Variants in PKP2 observed in about 807,000 individuals in gnomAD.
PKP2 encodes plakophilin 2.
Under a neutral mutation model 83.4 loss-of-function variants are expected in PKP2, and 73 were observed. That is an observed-to-expected ratio of 0.88 (90% CI 0.72 to 1.06). The LOEUF is 1.06. PKP2 is among the 50% of genes least tolerant of loss of function. The probability of loss-of-function intolerance (pLI) is 0.00; values close to 1 mark genes in which losing one functional copy is unlikely to be tolerated. For synonymous variants in PKP2, 409 were observed against 430.4 expected, an observed-to-expected ratio of 0.95 and a Z score of 0.62; for missense variants, 966 against 1,065.4, an observed-to-expected ratio of 0.91 and a Z score of 1.30.
At chr12:32,796,743 A>C (rs1956129869) in intron 10 of PKP2, among the ~76,000 whole-genome samples, 6 of 152,124 alleles carry the variant, frequency 3.9e-5, no homozygotes. Flanking sequence ...CAACACATGG[A>C]AAGATGTAAT....
At chr12:32,893,143 C>T (rs889341790) in intron 1 of PKP2, among the ~76,000 whole-genome samples, 52 of 152,182 alleles carry the variant, frequency 3.4e-4, no homozygotes, top group Non-Finnish European at 5.9e-5. Flanking sequence ...GGGTTAAAGA[C>T]TCTTGCAAGA....
intron 6 of PKP2, among the ~76,000 whole-genome samples, chr12:32,826,187 T>A (rs928500354): frequency 1.1e-4 from 16 of 151,238 alleles, no homozygotes; most frequent in Non-Finnish European, 2.9e-5. Context: ...GCGCCTGTAT[T>A]CCCAGCTACT....
chr12:32,838,965 T>G (rs547302834), intron 6 of PKP2, among the ~76,000 whole-genome samples: 1 of 152,312 alleles, frequency 6.6e-6, no homozygotes, highest in African/African-American at 2.4e-5. Context: ...CGTTAGGAGA[T>G]TAAGTATTCA....
At chr12:32,843,406 C>T in intron 5 of PKP2, 1 of 855,066 alleles carries the variant, frequency 1.2e-6, no homozygotes, top group South Asian at 1.3e-5. Flanking sequence ...ATGTGGCAAA[C>T]ATCACCTCCC....
intron 4 of PKP2, among the ~76,000 whole-genome samples, chr12:32,858,104 TATATA>T: frequency 1.2e-5 from 1 of 83,890 alleles, no homozygotes; most frequent in African/African-American, 6.8e-5. Flanking sequence ...TATATATATA[TATATA>T]TATATATTTA....
chr12:32,838,774 T>C (rs1360811888), intron 6 of PKP2, among the ~76,000 whole-genome samples: 10 of 152,200 alleles, frequency 6.6e-5, no homozygotes. Flanking sequence ...CTATTAATAG[T>C]AGCAAAGGTA....
chr12:32,896,473 A>AGGGGGCGGCGCCG (rs1296420050), intron 1 of PKP2, 36 bp downstream of exon 1: 1 of 1,418,786 alleles, frequency 7.0e-7, no homozygotes, highest in Admixed American at 2.2e-5. Flanking sequence ...GGTGTGGGGC[A>AGGGGGCGGCGCCG]GGGGGCGGCG....
intron 9 of PKP2, among the ~76,000 whole-genome samples, chr12:32,815,012 T>C (rs1472847385): frequency 2.0e-5 from 3 of 152,004 alleles, no homozygotes; most frequent in Non-Finnish European, 2.9e-5. Flanking sequence ...ATACGGTTCA[T>C]TTAACTTTTT....
intron 5 of PKP2, among the ~76,000 whole-genome samples, chr12:32,843,639 G>A (rs1956620869): frequency 6.6e-6 from 1 of 152,178 alleles, no homozygotes; most frequent in Non-Finnish European, 1.5e-5. Flanking sequence ...TGTCTTGTGA[G>A]GACTAGATTT....
chr12:32,808,105 T>C (rs764301608), intron 9 of PKP2, among the ~76,000 whole-genome samples: 13 of 152,216 alleles, frequency 8.5e-5, no homozygotes, highest in Non-Finnish European at 1.5e-4. Context: ...CTGGATGATA[T>C]ACTAAAGTAT....
intron 6 of PKP2, among the ~76,000 whole-genome samples, chr12:32,839,031 T>C (rs944052003): frequency 6.6e-6 from 1 of 152,204 alleles, no homozygotes; most frequent in African/African-American, 2.4e-5. Flanking sequence ...AAAGTATTGA[T>C]ATGAAAGTAC....
At chr12:32,818,487 C>T (rs143430879) in intron 9 of PKP2, among the ~76,000 whole-genome samples, 134 of 152,104 alleles carry the variant, frequency 8.8e-4, no homozygotes, top group East Asian at 8.1e-3. Flanking sequence ...CAAAAAAACC[C>T]GAAACTTTAT....
intron 6 of PKP2, among the ~76,000 whole-genome samples, chr12:32,830,505 A>C (rs1299170371): frequency 6.6e-6 from 1 of 152,202 alleles, no homozygotes; most frequent in East Asian, 1.9e-4. Flanking sequence ...CAACCTACAC[A>C]TCTTGGTCCT....
intron 7 of PKP2, among the ~76,000 whole-genome samples, chr12:32,822,914 AG>A (rs1381753167): frequency 6.6e-6 from 1 of 152,182 alleles, no homozygotes; most frequent in African/African-American, 2.4e-5. Context: ...GTAACTTACT[AG>A]CCATGTTGAG....
chr12:32,868,100 AAAG>A (rs1956864875), intron 4 of PKP2, among the ~76,000 whole-genome samples: 1 of 152,214 alleles, frequency 6.6e-6, no homozygotes, highest in African/African-American at 2.4e-5. Context: ...GGAGACAGGA[AAAG>A]AAGAGGGAAA....
At chr12:32,871,675 A>G (rs1956897887) in intron 3 of PKP2, among the ~76,000 whole-genome samples, 1 of 152,116 alleles carries the variant, frequency 6.6e-6, no homozygotes, top group African/African-American at 2.4e-5. Flanking sequence ...CATGTTGGCC[A>G]GGCTGGTCTC....
intron 1 of PKP2, chr12:32,894,055 G>C (rs1957099557): frequency 1.3e-5 from 2 of 151,982 alleles, no homozygotes; most frequent in African/African-American, 4.8e-5. Context: ...GAGTAGCTGA[G>C]TAGCTGGGAT....
At chr12:32,895,192 C>CATATACATATATATATATAT (rs1304898220) in intron 1 of PKP2, among the ~76,000 whole-genome samples, 4 of 150,082 alleles carry the variant, frequency 2.7e-5, no homozygotes, top group African/African-American at 9.8e-5. Context: ...TTTTTAAATA[C>CATATACATATATATATATAT]ATATATATAT....
chr12:32,827,389 AATG>A (rs1228918586), intron 6 of PKP2, among the ~76,000 whole-genome samples: 3 of 152,260 alleles, frequency 2.0e-5, no homozygotes, highest in Non-Finnish European at 2.9e-5. Flanking sequence ...CAGAAATATG[AATG>A]ATAAGGGTAG....
Sources: gnomAD v4.1 joint callset for allele counts (sites outside exome capture counted in the v4.1 genomes callset) on GRCh38, gnomAD v4.1.1 for gene constraint, MANE v1.5 for transcripts, NCBI Gene and HGNC (gene_info 2026-07-23, HGNC 2026-07-21) for gene names.